SCAI: variants seen among roughly 807,000 people sequenced by gnomAD.
SCAI encodes suppressor of cancer cell invasion, also known as protein SCAI.
A neutral mutation model predicts 92.2 loss-of-function variants in SCAI; 24 were observed. The ratio of observed to expected loss-of-function variants is 0.26; its 90% CI spans 0.19 to 0.37. The LOEUF is 0.37. Among genes scored for constraint, SCAI ranks in the 10% least tolerant of loss-of-function variants. The pLI is 1.00. For synonymous variants in SCAI, 261 were observed against 258.6 expected (o/e 1.01, Z -0.09); for missense variants, 450 against 736.2 (o/e 0.61, Z 4.50).
chr9:125,062,686 C>T (rs1203095448), intron 2 of SCAI, among the ~76,000 whole-genome samples: 2 of 142,658 alleles, frequency 1.4e-5, no homozygotes, highest in African/African-American at 5.2e-5. Flanking sequence ...ATCTGGGAGG[C>T]GGGGGTTGCA....
At chr9:124,991,537 T>C (rs545284106) in intron 14 of SCAI, among the ~76,000 whole-genome samples, 5 of 151,746 alleles carry the variant, frequency 3.3e-5, no homozygotes, top group Admixed American at 6.6e-5. Flanking sequence ...CCAGTTCTCT[T>C]TTCTCATTAA....
chr9:125,004,575 C>T (rs1392934130), intron 9 of SCAI, among the ~76,000 whole-genome samples: 2 of 149,488 alleles, frequency 1.3e-5, no homozygotes, highest in Non-Finnish European at 3.0e-5. Context: ...GTCATCTGCC[C>T]ACCTCAGCCT....
chr9:125,066,104 T>A, intron 2 of SCAI: 1 of 697,682 alleles, frequency 1.4e-6, no homozygotes, highest in South Asian at 1.7e-5. Context: ...TAAGCTGTTA[T>A]TATTTGTACA....
intron 9 of SCAI, among the ~76,000 whole-genome samples, chr9:125,005,362 CGCTCTGTCACTCAG>C (rs1333271727): frequency 6.6e-6 from 1 of 151,772 alleles, no homozygotes; most frequent in Non-Finnish European, 1.5e-5. Context: ...ATGTGAGTTT[CGCTCTGTCACTCAG>C]GCTGGAGTGC....
intron 14 of SCAI, among the ~76,000 whole-genome samples, chr9:124,984,374 T>C (rs1004175645): frequency 6.6e-6 from 1 of 152,066 alleles, no homozygotes; most frequent in Admixed American, 6.6e-5. Flanking sequence ...TGATTTTGAG[T>C]AGAAAGGTGG....
chr9:125,113,179 T>C (rs78486599), intron 2 of SCAI, among the ~76,000 whole-genome samples: 3 of 152,128 alleles, frequency 2.0e-5, no homozygotes, highest in Admixed American at 1.3e-4. Flanking sequence ...ATGAAGAAAT[T>C]TGACAAGCCC....
chr9:125,060,892 T>C (rs1833756620), intron 2 of SCAI, among the ~76,000 whole-genome samples: 1 of 152,224 alleles, frequency 6.6e-6, no homozygotes, highest in South Asian at 2.1e-4. Flanking sequence ...TTCATGACTT[T>C]CTCAGTGTTC....
chr9:125,011,032 T>C (rs1757281286), intron 9 of SCAI, among the ~76,000 whole-genome samples: 1 of 152,056 alleles, frequency 6.6e-6, no homozygotes, highest in African/African-American at 2.4e-5. Flanking sequence ...AACCCATCTG[T>C]ACATCCCCAT....
intron 14 of SCAI, among the ~76,000 whole-genome samples, chr9:124,985,840 G>A (rs745792306): frequency 6.7e-6 from 1 of 149,046 alleles, no homozygotes; most frequent in African/African-American, 2.5e-5. Flanking sequence ...TCCAGCCTGG[G>A]CAACAAGAGT....
At chr9:125,053,966 C>T (rs1367350749) in intron 3 of SCAI, among the ~76,000 whole-genome samples, 1 of 152,002 alleles carries the variant, frequency 6.6e-6, no homozygotes, top group Non-Finnish European at 1.5e-5. Context: ...AATCTATAAT[C>T]CCTTTAAGAT....
chr9:125,138,631 G>T (rs1032491252), intron 2 of SCAI, among the ~76,000 whole-genome samples: 1 of 152,038 alleles, frequency 6.6e-6, no homozygotes, highest in Non-Finnish European at 1.5e-5. Flanking sequence ...AGCCAGGATG[G>T]TCTCGATCTC....
At chr9:125,107,394 G>A (rs1834823062) in intron 2 of SCAI, among the ~76,000 whole-genome samples, 1 of 149,928 alleles carries the variant, frequency 6.7e-6, no homozygotes, top group Admixed American at 6.6e-5. Context: ...GGCGACAGAG[G>A]GAGACACTGT....
chr9:125,009,545 A>G (rs1832587356), intron 9 of SCAI, among the ~76,000 whole-genome samples: 1 of 151,972 alleles, frequency 6.6e-6, no homozygotes, highest in African/African-American at 2.4e-5. Context: ...TGCATGAGCC[A>G]CCATGCCCAA....
chr9:125,035,577 T>C (rs1833178640), intron 3 of SCAI, among the ~76,000 whole-genome samples: 1 of 152,112 alleles, frequency 6.6e-6, no homozygotes. Flanking sequence ...AGTTCCTCAT[T>C]TATAAAATGG....
chr9:124,971,835 T>A lies in SCAI; in HGVS notation c.1409A>T (p.Gln470Leu). 6.3e-7 allele frequency: 1 copy of A among 1,592,314 alleles called. No individual in the cohort carries two copies. Among genetic ancestry groups the A allele is most frequent in the Non-Finnish European group, 8.5e-7 (1 of 1,173,578 alleles). Residue 470 changes from glutamine to leucine, a missense_variant, in exon 16 of 18, where the codon CAG (glutamine) becomes CTG (leucine). Around this residue, in one of 3 missense-constraint regions of SCAI, gnomAD observed 360 missense variants for 601.8 expected, o/e 0.60. Coordinates refer to ENST00000336505, the MANE Select transcript of SCAI (RefSeq NM_001144877.3). ...AAAGAGAGTGAAGAGGCTACCTCGC[T>A]GAGATTGATCTGTAATAACAAACAT... Reference protein sequence around the residue: ...AYPKALQDQSQRGSLFTLFLN... With the variant: ...AYPKALQDQSLRGSLFTLFLN...
At chr9:125,068,317 A>G (rs1251733740) in intron 2 of SCAI, among the ~76,000 whole-genome samples, 1 of 151,934 alleles carries the variant, frequency 6.6e-6, no homozygotes, top group Non-Finnish European at 1.5e-5. Context: ...CCTGGGCAAC[A>G]AAGCAAGACC....
intron 14 of SCAI, among the ~76,000 whole-genome samples, chr9:124,989,031 C>G (rs188434822): frequency 6.6e-6 from 1 of 151,898 alleles, no homozygotes; most frequent in Admixed American, 6.6e-5. Flanking sequence ...CCCAGCTACT[C>G]GGGAGGCTGA....
At chr9:125,084,078 A>T (rs1204659584) in intron 2 of SCAI, among the ~76,000 whole-genome samples, 1 of 151,658 alleles carries the variant, frequency 6.6e-6, no homozygotes, top group Admixed American at 6.6e-5. Context: ...GGGTCTGTCT[A>T]AAAATACAAT....
At chr9:125,023,641 T>C (rs901037571) in intron 6 of SCAI, among the ~76,000 whole-genome samples, 1 of 152,122 alleles carries the variant, frequency 6.6e-6, no homozygotes, top group African/African-American at 2.4e-5. Flanking sequence ...TATTCATCTT[T>C]TCCCTTTTTA....
Sources: gnomAD v4.1 joint callset for allele counts (sites outside exome capture counted in the v4.1 genomes callset) on GRCh38, gnomAD v4.1.1 for gene constraint, gnomAD v4.1.1 regional missense constraint, MANE v1.5 for transcripts, NCBI Gene and HGNC (gene_info 2026-07-23, HGNC 2026-07-21) for gene names.